PTPRD: variants seen among roughly 807,000 people sequenced by gnomAD.
The protein encoded by PTPRD is protein tyrosine phosphatase receptor type D.
A neutral mutation model predicts 214.5 loss-of-function variants in PTPRD; 34 were observed. The observed-to-expected ratio is 0.16, with a 90% CI of 0.12 to 0.21. The LOEUF is 0.21. PTPRD is among the 10% of genes least tolerant of loss of function. The probability of loss-of-function intolerance (pLI) is 1.00; values close to 1 mark genes in which losing one functional copy is unlikely to be tolerated. For synonymous variants in PTPRD, 1,128 were observed against 845.7 expected (o/e 1.33, Z -5.79); for missense variants, 2,545 against 2,398.7 (o/e 1.06, Z -1.27).
intron 2 of PTPRD, among the ~76,000 whole-genome samples, chr9:10,494,045 G>A (rs947394688): frequency 9.2e-5 from 14 of 151,726 alleles, no homozygotes; most frequent in South Asian, 4.1e-4. Flanking sequence ...TAATTAACAC[G>A]CTGGGATTTG....
At chr9:8,890,714 C>T (rs894539419) in intron 11 of PTPRD, among the ~76,000 whole-genome samples, 19 of 152,156 alleles carry the variant, frequency 1.2e-4, no homozygotes, top group African/African-American at 4.6e-4. Flanking sequence ...GTCTTGTCTT[C>T]CATACCACTG....
At chr9:9,616,168 C>T (rs147845674) in intron 7 of PTPRD, among the ~76,000 whole-genome samples, 169 of 152,118 alleles carry the variant, frequency 1.1e-3, no homozygotes, top group African/African-American at 4.0e-3. Context: ...GTATATTGTC[C>T]GATAACATAC....
At chr9:9,847,596 C>G (rs1281832228) in intron 5 of PTPRD, among the ~76,000 whole-genome samples, 1 of 152,070 alleles carries the variant, frequency 6.6e-6, no homozygotes, top group African/African-American at 2.4e-5. Flanking sequence ...TACAGGAAAA[C>G]AAAACAAACC....
At chr9:9,245,917 G>A (rs944797854) in intron 9 of PTPRD, among the ~76,000 whole-genome samples, 1 of 151,968 alleles carries the variant, frequency 6.6e-6, no homozygotes, top group Non-Finnish European at 1.5e-5. Context: ...TGGTTCTGTA[G>A]CTTTCAGATA....
intron 12 of PTPRD, among the ~76,000 whole-genome samples, chr9:8,718,973 T>C (rs2098464575): frequency 6.6e-6 from 1 of 152,200 alleles, no homozygotes; most frequent in Non-Finnish European, 1.5e-5. Flanking sequence ...ACCAGAAGCA[T>C]CTATAATGTG....
chr9:8,713,008 C>T (rs935727804), intron 12 of PTPRD, among the ~76,000 whole-genome samples: 12 of 152,140 alleles, frequency 7.9e-5, no homozygotes, highest in Admixed American at 5.9e-4. Context: ...CGTGAGCCAC[C>T]GCACCCAGCC....
intron 9 of PTPRD, among the ~76,000 whole-genome samples, chr9:9,295,832 C>G (rs1952812492): frequency 6.6e-6 from 1 of 151,810 alleles, no homozygotes; most frequent in Admixed American, 6.6e-5. Context: ...GGCTTCGAAG[C>G]ATAATTCAGA....
At chr9:8,849,126 AT>A (rs1236514408) in intron 11 of PTPRD, among the ~76,000 whole-genome samples, 2 of 150,494 alleles carry the variant, frequency 1.3e-5, no homozygotes, top group Admixed American at 1.3e-4. Context: ...ATGAATAATT[AT>A]TCTTCACATT....
chr9:9,382,477 T>C (rs181872232), intron 9 of PTPRD, among the ~76,000 whole-genome samples: 201 of 152,144 alleles, frequency 1.3e-3, no homozygotes, highest in African/African-American at 4.6e-3. Flanking sequence ...TACAACTAAA[T>C]AGCAAAAACA....
intron 7 of PTPRD, among the ~76,000 whole-genome samples, chr9:9,583,522 T>C (rs575114885): frequency 6.6e-6 from 1 of 152,156 alleles, no homozygotes; most frequent in Admixed American, 6.6e-5. Context: ...AACTAATTGG[T>C]AAAACCTAAA....
chr9:9,560,503 A>G (rs2082634222), intron 8 of PTPRD, among the ~76,000 whole-genome samples: 1 of 152,174 alleles, frequency 6.6e-6, no homozygotes, highest in South Asian at 2.1e-4. Flanking sequence ...GAATCTGTCC[A>G]CTGCCTCCCA....
At chr9:10,013,527 G>C (rs551252729) in intron 4 of PTPRD, among the ~76,000 whole-genome samples, 23 of 150,960 alleles carry the variant, frequency 1.5e-4, no homozygotes, top group African/African-American at 5.6e-4. Context: ...ATTAATTTCA[G>C]AGGTAAAGTC....
chr9:9,163,263 G>T (rs776362532), intron 10 of PTPRD, among the ~76,000 whole-genome samples: 1 of 151,852 alleles, frequency 6.6e-6, no homozygotes, highest in Non-Finnish European at 1.5e-5. Flanking sequence ...TATTTAGCTG[G>T]TTACTAAAAC....
At chr9:8,614,262 G>A (rs959887211) in intron 14 of PTPRD, among the ~76,000 whole-genome samples, 5 of 152,070 alleles carry the variant, frequency 3.3e-5, no homozygotes, top group African/African-American at 7.2e-5. Context: ...GGTGATTTCA[G>A]CCATTTCATA....
At chr9:9,791,742 G>A (rs2153474436) in intron 5 of PTPRD, among the ~76,000 whole-genome samples, 1 of 152,090 alleles carries the variant, frequency 6.6e-6, no homozygotes, top group Non-Finnish European at 1.5e-5. Flanking sequence ...TTCCTATATT[G>A]AGACTTTTTT....
intron 3 of PTPRD, among the ~76,000 whole-genome samples, chr9:10,221,541 G>A (rs1050747198): frequency 4.0e-5 from 6 of 151,720 alleles, no homozygotes; most frequent in African/African-American, 9.7e-5. Context: ...TTATTTATCC[G>A]CTATTCCTTA....
At chr9:9,276,722 G>C (rs966319904) in intron 9 of PTPRD, among the ~76,000 whole-genome samples, 8 of 151,312 alleles carry the variant, frequency 5.3e-5, no homozygotes, top group African/African-American at 1.9e-4. Flanking sequence ...TGGTGCTAAG[G>C]CCAAAAGAGC....
intron 9 of PTPRD, among the ~76,000 whole-genome samples, chr9:9,285,631 T>A (rs917050980): frequency 3.9e-5 from 6 of 151,944 alleles, no homozygotes; most frequent in South Asian, 4.1e-4. Context: ...ACCATTTTTT[T>A]AATTCTTTCT....
intron 11 of PTPRD, among the ~76,000 whole-genome samples, chr9:8,832,353 A>C (rs202149009): frequency 6.6e-6 from 1 of 151,996 alleles, no homozygotes; most frequent in East Asian, 1.9e-4. Context: ...TTTTGTAATC[A>C]TGAAAGCAGA....
Sources: allele counts gnomAD v4.1 joint callset (sites outside exome capture counted in the v4.1 genomes callset), GRCh38; gene constraint gnomAD v4.1.1; transcripts MANE v1.5; gene names NCBI Gene and HGNC (gene_info 2026-07-23, HGNC 2026-07-21).